MGAT4C: variants seen among roughly 807,000 people sequenced by gnomAD.
MGAT4C encodes MGAT4 family member C.
Under a neutral mutation model 40.1 loss-of-function variants are expected in MGAT4C, and 19 were observed. The ratio of observed to expected loss-of-function variants is 0.47; its 90% CI spans 0.33 to 0.70. MGAT4C has a LOEUF of 0.70. MGAT4C is among the 30% of genes least tolerant of loss of function. The pLI is 0.02. For synonymous variants in MGAT4C, 181 were observed against 187.1 expected (o/e 0.97, Z 0.27); for missense variants, 491 against 563.2 (o/e 0.87, Z 1.30).
chr12:86,578,581 C>G (rs893200387), intron 2 of MGAT4C, among the ~76,000 whole-genome samples: 3 of 151,626 alleles, frequency 2.0e-5, no homozygotes, highest in African/African-American at 7.3e-5. Context: ...AGATTTCTTC[C>G]TGATTCAATT....
chr12:86,625,083 G>T (rs1322581150), intron 2 of MGAT4C, among the ~76,000 whole-genome samples: 1 of 151,942 alleles, frequency 6.6e-6, no homozygotes, highest in East Asian at 1.9e-4. Context: ...TTCAAAAGGG[G>T]CCCTTTATAA....
chr12:86,479,541 A>C (rs1957898879), intron 2 of MGAT4C, among the ~76,000 whole-genome samples: 1 of 151,934 alleles, frequency 6.6e-6, no homozygotes, highest in African/African-American at 2.4e-5. Context: ...AGGTCACATG[A>C]TATGTTACCT....
At chr12:86,753,045 ATAAAC>A (rs1247896144) in intron 1 of MGAT4C, among the ~76,000 whole-genome samples, 2 of 152,158 alleles carry the variant, frequency 1.3e-5, no homozygotes, top group Non-Finnish European at 2.9e-5. Flanking sequence ...GACCAAATCT[ATAAAC>A]TAGACTTCTT....
chr12:86,608,256 C>A (rs1212508944), intron 2 of MGAT4C, among the ~76,000 whole-genome samples: 2 of 151,932 alleles, frequency 1.3e-5, no homozygotes, highest in Admixed American at 6.6e-5. Flanking sequence ...TAAAAGAATT[C>A]TCCACAAAAT....
intron 3 of MGAT4C, among the ~76,000 whole-genome samples, chr12:86,409,738 A>G (rs929710252): frequency 2.0e-5 from 3 of 152,084 alleles, no homozygotes; most frequent in Non-Finnish European, 2.9e-5. Flanking sequence ...GTGACAGGTG[A>G]TTGGATCATG....
intron 1 of MGAT4C, among the ~76,000 whole-genome samples, chr12:86,239,390 T>A (rs1951684622): frequency 6.6e-6 from 1 of 151,978 alleles, no homozygotes. Flanking sequence ...TTAAATTAAT[T>A]TAAGAAGCCA....
intron 1 of MGAT4C, among the ~76,000 whole-genome samples, chr12:86,210,693 A>T (rs1950427808): frequency 6.6e-6 from 1 of 152,234 alleles, no homozygotes. Flanking sequence ...TTAAAGTGCC[A>T]AACTTTTTTG....
intron 3 of MGAT4C, among the ~76,000 whole-genome samples, chr12:85,987,711 A>G (rs1885417035): frequency 6.6e-6 from 1 of 152,202 alleles, no homozygotes; most frequent in South Asian, 2.1e-4. Context: ...GTGAATTTAA[A>G]CAGGTTCTAT....
chr12:85,983,563 G>C lies in MGAT4C; in HGVS notation c.255C>G (p.Val85=). 1 of 1,595,298 alleles carries C rather than the reference G, an allele frequency of 6.3e-7. No individual in the cohort carries two copies. Among genetic ancestry groups the C allele is most frequent in the Non-Finnish European group, 8.5e-7 (1 of 1,172,108 alleles). The change falls in exon 4 of 5, where the codon GTC becomes GTG. Residue 85 remains valine (V), a synonymous_variant. Coordinates refer to ENST00000611864, the MANE Select transcript of MGAT4C (RefSeq NM_001351288.2). The part of the protein sequence containing the change: ...DLSNFSGAIN[V]TYRYLAATPL... ...GTGTGGCAGCTAGGTAGCGATAGGT[G>C]ACATTTATGGCTCCTGAGAAATTAG... is the stretch of plus-strand genomic sequence containing the variant.
intron 2 of MGAT4C, among the ~76,000 whole-genome samples, chr12:86,618,175 A>G (rs1962517585): frequency 6.6e-6 from 1 of 151,226 alleles, no homozygotes; most frequent in Admixed American, 6.6e-5. Flanking sequence ...ATGACAAAAA[A>G]TAACTAATGG....
intron 1 of MGAT4C, among the ~76,000 whole-genome samples, chr12:86,128,253 G>A (rs1362501950): frequency 6.6e-6 from 1 of 152,068 alleles, no homozygotes; most frequent in Admixed American, 6.6e-5. Flanking sequence ...ATGATAATAT[G>A]GCTTGGCTCT....
chr12:86,234,947 T>TTTA (rs1230906894), intron 1 of MGAT4C, among the ~76,000 whole-genome samples: 1 of 152,094 alleles, frequency 6.6e-6, no homozygotes, highest in East Asian at 1.9e-4. Flanking sequence ...TTACGTCTCT[T>TTTA]TTAGTGTTTT....
chr12:86,427,526 T>C (rs888127582), intron 3 of MGAT4C, among the ~76,000 whole-genome samples: 1 of 152,172 alleles, frequency 6.6e-6, no homozygotes, highest in African/African-American at 2.4e-5. Flanking sequence ...ACAGACACAC[T>C]CTAGCACACA....
At chr12:86,770,546 G>T (rs141201288) in intron 1 of MGAT4C, among the ~76,000 whole-genome samples, 4 of 152,070 alleles carry the variant, frequency 2.6e-5, no homozygotes, top group African/African-American at 9.6e-5. Context: ...AAGTAGAATT[G>T]CAGAAGGAAG....
At chr12:86,490,514 A>T (rs181545731) in intron 2 of MGAT4C, among the ~76,000 whole-genome samples, 32 of 152,256 alleles carry the variant, frequency 2.1e-4, no homozygotes, top group African/African-American at 7.0e-4. Context: ...AACTGCATCA[A>T]TTAATGAGCA....
At chr12:86,719,739 G>C (rs991012399) in intron 2 of MGAT4C, among the ~76,000 whole-genome samples, 2 of 152,102 alleles carry the variant, frequency 1.3e-5, no homozygotes, top group African/African-American at 4.8e-5. Context: ...AATTTATACT[G>C]TCCCTGTTCT....
At chr12:86,378,598 C>T (rs1446860911) in intron 3 of MGAT4C, among the ~76,000 whole-genome samples, 1 of 152,046 alleles carries the variant, frequency 6.6e-6, no homozygotes, top group Non-Finnish European at 1.5e-5. Context: ...ATAAGCAGTT[C>T]TCTTAATGTT....
intron 1 of MGAT4C, among the ~76,000 whole-genome samples, chr12:86,053,384 G>A (rs1410420756): frequency 6.6e-6 from 1 of 151,764 alleles, no homozygotes; most frequent in African/African-American, 2.4e-5. Flanking sequence ...ATTTTGTGTA[G>A]GCTCATCTAT....
chr12:86,243,547 C>A lies in MGAT4C; in HGVS notation c.-57+12692G>T, dbSNP rs754084406. On this transcript the variant is annotated intron_variant, in intron 1 of 4. Transcript: ENST00000611864. ...TTTTAGCAGACTTAAACAAGAGATT[C>A]TCCTGCTGGCTTTGAAGAAGTAAGC... Among the ~76,000 whole-genome samples the A allele has an allele frequency of 2.0e-5, 3 of 152,214 alleles. No individual in the cohort carries two copies. In the East Asian group the frequency reaches 5.8e-4, roughly 29 times the overall value.
Sources: gnomAD v4.1 joint callset for allele counts (sites outside exome capture counted in the v4.1 genomes callset) on GRCh38, gnomAD v4.1.1 for gene constraint, MANE v1.5 for transcripts, NCBI Gene and HGNC (gene_info 2026-07-23, HGNC 2026-07-21) for gene names.